Variants in CCDC144A observed in about 807,000 individuals in gnomAD.
CCDC144A encodes coiled-coil domain-containing protein 144A.
A neutral mutation model predicts 143.8 loss-of-function variants in CCDC144A; 41 were observed. The observed-to-expected ratio is 0.29, with a 90% confidence interval of 0.22 to 0.37. The LOEUF (loss-of-function observed/expected upper bound fraction) is 0.37, where lower values mean the gene tolerates loss of function less well. Among genes scored for constraint, CCDC144A ranks in the 10% least tolerant of loss-of-function variants. The pLI is 1.00. For missense variants in CCDC144A, 637 were observed against 1,488.8 expected (o/e 0.43, Z 9.41); for synonymous variants, 242 against 517.9 (o/e 0.47, Z 7.23).
intron 12 of CCDC144A, 142 bp downstream of exon 12, chr17:16,735,785 G>C: frequency 1.3e-6 from 1 of 743,652 alleles, no homozygotes; most frequent in East Asian, 2.8e-5. Flanking sequence ...GCCTAGAAAT[G>C]TACCAGTGAA....
chr17:16,683,861 A>C, the CCDC144A span: 1 of 1,393,196 alleles, frequency 7.2e-7, no homozygotes, highest in Non-Finnish European at 1.0e-6. Flanking sequence ...GTTTTCCTAC[A>C]TGGGAGACTT....
At chr17:16,714,267 C>T (rs531143059) in intron 6 of CCDC144A, among the ~76,000 whole-genome samples, 1 of 152,268 alleles carries the variant, frequency 6.6e-6, no homozygotes, top group Admixed American at 6.5e-5. Flanking sequence ...TTTCCAAATG[C>T]GTGTCTCCAG....
intron 6 of CCDC144A, among the ~76,000 whole-genome samples, chr17:16,716,253 A>G (rs945700492): frequency 6.6e-6 from 1 of 152,228 alleles, no homozygotes; most frequent in Non-Finnish European, 1.5e-5. Context: ...AAAAACAATT[A>G]TTAATTTTGT....
intron 12 of CCDC144A, among the ~76,000 whole-genome samples, chr17:16,759,247 A>T (rs1288113118): frequency 6.6e-6 from 1 of 152,278 alleles, no homozygotes; most frequent in Non-Finnish European, 1.5e-5. Flanking sequence ...AAATATCAGA[A>T]GTTATGGGTG....
chr17:16,705,140 G>A lies in CCDC144A; in HGVS notation c.416-11G>A, dbSNP rs1309850368. On this transcript the variant is annotated splice_polypyrimidine_tract_variant and intron_variant, in intron 2 of 16. Transcript: ENST00000399273. The stretch of plus-strand genomic sequence containing the variant: ...TCCTAAAAATGAAAACTTCATTTTC[G>A]GATTTTTCAGATTGGCATCCTACTA... 1.7e-5 allele frequency: 17 copies of A among 1,019,458 alleles called. No homozygotes were observed. The highest frequency in any genetic ancestry group is 3.1e-6 in the Non-Finnish European group (2 of 647,858). The allele number at this position is 1,019,458 out of a possible 1,614,324, so 63.2% of individuals were successfully genotyped here. A position where few individuals can be genotyped will look rare whatever the true frequency, so the allele number is the denominator to read the frequency against.
chr17:16,694,392 G>A (rs182495957), intron 2 of CCDC144A, among the ~76,000 whole-genome samples: 8 of 152,278 alleles, frequency 5.3e-5, no homozygotes, highest in Admixed American at 1.3e-4. Context: ...ACCAGCCTGG[G>A]TGACATAGTG....
At chr17:16,717,684 T>C (rs1912855176) in intron 6 of CCDC144A, among the ~76,000 whole-genome samples, 1 of 152,190 alleles carries the variant, frequency 6.6e-6, no homozygotes. Flanking sequence ...TATTACCTGG[T>C]TTTTGAGGCA....
intron 12 of CCDC144A, among the ~76,000 whole-genome samples, chr17:16,747,985 T>TGAC (rs919340377): frequency 2.6e-5 from 4 of 152,224 alleles, no homozygotes; most frequent in African/African-American, 9.6e-5. Flanking sequence ...GTGGGCATCT[T>TGAC]TGTCTTGTTC....
At chr17:16,704,415 A>G (rs1185065300) in intron 2 of CCDC144A, among the ~76,000 whole-genome samples, 1 of 152,222 alleles carries the variant, frequency 6.6e-6, no homozygotes. Flanking sequence ...AGATTGCGCC[A>G]TTGCACTCCA....
At chr17:16,769,437 G>A (rs532423800) in intron 15 of CCDC144A, among the ~76,000 whole-genome samples, 1 of 152,372 alleles carries the variant, frequency 6.6e-6, no homozygotes, top group East Asian at 1.9e-4. Flanking sequence ...ATGAGAAGTT[G>A]GACAGGCGTA....
chr17:16,728,109 G>A (rs1913521236), intron 9 of CCDC144A, among the ~76,000 whole-genome samples: 1 of 152,184 alleles, frequency 6.6e-6, no homozygotes, highest in Admixed American at 6.5e-5. Context: ...GTTCACTGGT[G>A]TGATCATACC....
intron 12 of CCDC144A, among the ~76,000 whole-genome samples, chr17:16,749,364 C>T (rs1472949634): frequency 1.3e-5 from 2 of 152,194 alleles, no homozygotes; most frequent in African/African-American, 2.4e-5. Flanking sequence ...ATTTAGGAGC[C>T]AGTTGTTTGA....
chr17:16,714,491 A>T (rs569119606), intron 6 of CCDC144A, among the ~76,000 whole-genome samples: 14 of 151,738 alleles, frequency 9.2e-5, no homozygotes, highest in Non-Finnish European at 1.8e-4. Context: ...GTTGTCATTG[A>T]CTCCCCTCTC....
intron 4 of CCDC144A, among the ~76,000 whole-genome samples, chr17:16,708,243 C>G (rs1190165427): frequency 6.6e-6 from 1 of 152,130 alleles, no homozygotes; most frequent in Non-Finnish European, 1.5e-5. Flanking sequence ...TATGATGTTA[C>G]AGTATATAAT....
chr17:16,745,218 G>A (rs1415511296), intron 12 of CCDC144A, among the ~76,000 whole-genome samples: 4 of 151,432 alleles, frequency 2.6e-5, no homozygotes, highest in Non-Finnish European at 5.9e-5. Context: ...AGAGGCCACC[G>A]AGAAGCACGA....
chr17:16,678,364 A>G, the CCDC144A span, among the ~76,000 whole-genome samples: 1 of 152,068 alleles, frequency 6.6e-6, no homozygotes, highest in Admixed American at 6.6e-5. Context: ...GATAAACAAG[A>G]TCATAATAGT....
At chr17:16,672,481 A>G in the CCDC144A span, among the ~76,000 whole-genome samples, 2 of 152,058 alleles carry the variant, frequency 1.3e-5, no homozygotes, top group East Asian at 3.8e-4. Context: ...AACCTGGGAC[A>G]TGTCAAAATT....
chr17:16,695,773 A>G (rs984769321), intron 2 of CCDC144A, among the ~76,000 whole-genome samples: 1 of 151,872 alleles, frequency 6.6e-6, no homozygotes, highest in Non-Finnish European at 1.5e-5. Context: ...GTGGTGAGGA[A>G]TGAAAGCTGT....
the CCDC144A span, among the ~76,000 whole-genome samples, chr17:16,681,191 T>C: frequency 6.6e-6 from 1 of 152,058 alleles, no homozygotes; most frequent in Non-Finnish European, 1.5e-5. Context: ...TCTTTTTTTA[T>C]TCCTTAAATA....
Sources: allele counts gnomAD v4.1 joint callset (sites outside exome capture counted in the v4.1 genomes callset), GRCh38; gene constraint gnomAD v4.1.1; transcripts MANE v1.5; gene names NCBI Gene and HGNC (gene_info 2026-07-23, HGNC 2026-07-21).